TENM4: variants seen among roughly 807,000 people sequenced by gnomAD.
TENM4 encodes teneurin transmembrane protein 4.
Under a neutral mutation model 243.3 loss-of-function variants are expected in TENM4, and 82 were observed. The observed-to-expected ratio is 0.34, with a 90% CI of 0.28 to 0.40. The LOEUF is 0.40. TENM4 is among the 10% of genes least tolerant of loss of function. The pLI, the probability that TENM4 is intolerant of heterozygous loss-of-function variation, is 1.00. For missense variants in TENM4, 3,138 were observed against 3,673.3 expected (o/e 0.85, Z 3.77); for synonymous variants, 1,412 against 1,456.3 (o/e 0.97, Z 0.69).
chr11:79,006,188 C>G (rs1858480054), intron 6 of TENM4, among the ~76,000 whole-genome samples: 1 of 152,126 alleles, frequency 6.6e-6, no homozygotes, highest in African/African-American at 2.4e-5. Flanking sequence ...CTTCTCTTTT[C>G]CCCTCCCTAA....
At chr11:78,940,793 T>C (rs1856875334) in intron 6 of TENM4, among the ~76,000 whole-genome samples, 1 of 152,120 alleles carries the variant, frequency 6.6e-6, no homozygotes, top group Non-Finnish European at 1.5e-5. Context: ...AGGGCCTGGA[T>C]TGTGTTTCCA....
At chr11:79,335,256 T>G (rs1430077378) in intron 1 of TENM4, among the ~76,000 whole-genome samples, 1 of 152,216 alleles carries the variant, frequency 6.6e-6, no homozygotes, top group Non-Finnish European at 1.5e-5. Context: ...CCACCATGAC[T>G]GGGGAAAGCC....
At chr11:78,981,963 C>T (rs1001416870) in intron 6 of TENM4, among the ~76,000 whole-genome samples, 1 of 152,126 alleles carries the variant, frequency 6.6e-6, no homozygotes, top group African/African-American at 2.4e-5. Flanking sequence ...CCTGCATGCC[C>T]CGTGTCTGTC....
chr11:79,095,448 T>C (rs1412251373), intron 4 of TENM4, among the ~76,000 whole-genome samples: 1 of 152,178 alleles, frequency 6.6e-6, no homozygotes, highest in Non-Finnish European at 1.5e-5. Flanking sequence ...ATATATTCCT[T>C]TGTACTCTTC....
intron 30 of TENM4, among the ~76,000 whole-genome samples, chr11:78,673,126 G>A (rs1858377180): frequency 6.6e-6 from 1 of 152,086 alleles, no homozygotes; most frequent in Non-Finnish European, 1.5e-5. Context: ...ACTCCACCTG[G>A]ACTGCTAGGC....
rs989504148 is a variant in TENM4 at position 78,814,416 on chromosome 11, G to A, written c.1682-21C>T. On this transcript the variant is annotated intron_variant, in intron 12 of 33. Transcript: ENST00000278550. ...CGACTCTGGGGAGAGAAAGGAGAAG[G>A]AGAGTTGAAAACAAATTTCCTTACC... 49 of 1,545,070 alleles carry A rather than the reference G, an allele frequency of 3.2e-5. No homozygotes were observed. In the Admixed American group the frequency reaches 8.0e-4, roughly 25 times the overall value.
At chr11:79,343,470 A>G (rs142239146) in intron 1 of TENM4, among the ~76,000 whole-genome samples, 320 of 152,050 alleles carry the variant, frequency 2.1e-3, no homozygotes, top group African/African-American at 7.5e-3. Context: ...TGGGTATGAC[A>G]AAAAAAATCC....
At chr11:79,280,932 A>G (rs925545170) in intron 2 of TENM4, among the ~76,000 whole-genome samples, 12 of 152,178 alleles carry the variant, frequency 7.9e-5, no homozygotes, top group Non-Finnish European at 1.5e-5. Context: ...GTGGTTTAAC[A>G]TCTTTTTTCT....
At chr11:79,299,206 T>C (rs926676036) in intron 1 of TENM4, among the ~76,000 whole-genome samples, 3 of 152,226 alleles carry the variant, frequency 2.0e-5, no homozygotes, top group African/African-American at 7.2e-5. Context: ...TTTGGGGAGC[T>C]GGTCTGAAGT....
intron 6 of TENM4, among the ~76,000 whole-genome samples, chr11:79,013,451 C>A (rs1490758685): frequency 6.6e-6 from 1 of 152,266 alleles, no homozygotes; most frequent in Non-Finnish European, 1.5e-5. Context: ...CTTCCCCCAA[C>A]CCCCTTCACT....
intron 9 of TENM4, among the ~76,000 whole-genome samples, chr11:78,865,999 T>C (rs1350397931): frequency 6.6e-6 from 1 of 152,260 alleles, no homozygotes; most frequent in African/African-American, 2.4e-5. Flanking sequence ...CTGTTGATGA[T>C]AATGAAATGA....
intron 1 of TENM4, among the ~76,000 whole-genome samples, chr11:79,324,795 G>A (rs188480557): frequency 6.8e-4 from 104 of 152,222 alleles, no homozygotes; most frequent in Non-Finnish European, 1.1e-3. Context: ...GCTGTCCCCC[G>A]GAGGCCATCT....
At chr11:78,761,960 T>G (rs1856439672) in intron 18 of TENM4, among the ~76,000 whole-genome samples, 1 of 152,220 alleles carries the variant, frequency 6.6e-6, no homozygotes, top group African/African-American at 2.4e-5. Flanking sequence ...CTGTGCCCAC[T>G]GCTCTGGCCC....
At chr11:79,169,414 C>G (rs1240863287) in intron 3 of TENM4, among the ~76,000 whole-genome samples, 1 of 152,094 alleles carries the variant, frequency 6.6e-6, no homozygotes, top group Non-Finnish European at 1.5e-5. Flanking sequence ...GGCTACGCAA[C>G]CTGTCTGGGA....
chr11:79,286,920 A>G (rs1856265015), intron 2 of TENM4, among the ~76,000 whole-genome samples: 1 of 152,236 alleles, frequency 6.6e-6, no homozygotes, highest in Non-Finnish European at 1.5e-5. Flanking sequence ...TTAAAAGTTC[A>G]TCAGGAAACT....
intron 2 of TENM4, among the ~76,000 whole-genome samples, chr11:79,292,885 C>A (rs983771342): frequency 6.6e-6 from 1 of 152,182 alleles, no homozygotes; most frequent in Non-Finnish European, 1.5e-5. Context: ...CTATGCTTAG[C>A]AAATAGCCAT....
chr11:78,729,782 A>G, intron 21 of TENM4, 139 bp from the exon 22 acceptor site: 1 of 1,146,328 alleles, frequency 8.7e-7, no homozygotes, highest in South Asian at 1.6e-5. Flanking sequence ...AAAAAAGAGG[A>G]GACAGTGGAA....
At chr11:78,710,539 G>C (rs1859373796) in intron 26 of TENM4, among the ~76,000 whole-genome samples, 1 of 152,232 alleles carries the variant, frequency 6.6e-6, no homozygotes, top group African/African-American at 2.4e-5. Flanking sequence ...CATTCTGTAA[G>C]TGCCAAGACA....
chr11:79,194,250 GAT>G (rs1189372813), intron 3 of TENM4, among the ~76,000 whole-genome samples: 1 of 151,786 alleles, frequency 6.6e-6, no homozygotes, highest in East Asian at 1.9e-4. Flanking sequence ...CCCAGTTTTG[GAT>G]ATGTCTTTAT....
Sources: allele counts gnomAD v4.1 joint callset (sites outside exome capture counted in the v4.1 genomes callset), GRCh38; gene constraint gnomAD v4.1.1; transcripts MANE v1.5; gene names NCBI Gene and HGNC (gene_info 2026-07-23, HGNC 2026-07-21).